The following AGBL1 variants were observed in gnomAD, a reference collection of about 807,000 sequenced individuals.
AGBL1 encodes AGBL carboxypeptidase 1, also known as cytosolic carboxypeptidase 4.
A neutral mutation model predicts 118.9 loss-of-function variants in AGBL1; 130 were observed. The ratio of observed to expected loss-of-function variants is 1.09; its 90% confidence interval spans 0.95 to 1.26. AGBL1 has a LOEUF of 1.26. Ranked by LOEUF, AGBL1 falls within the 50% of genes most tolerant of loss-of-function variation. AGBL1 has a pLI of 0.00. For missense variants in AGBL1, 1,584 were observed against 1,298.1 expected (o/e 1.22, Z -3.38); for synonymous variants, 555 against 478.9 (o/e 1.16, Z -2.08).
rs147241518 is a variant in AGBL1, at chr15:86,780,468, G to A, written c.3158+106032G>A. 3.3e-5 allele frequency among the ~76,000 whole-genome samples: 5 copies of A among 152,072 alleles called. No homozygotes were observed. In the East Asian group the frequency reaches 5.8e-4, roughly 18 times the overall value. ...TTTTCTTGGCCATTTGCATTTTCAT[G>A]TAAAAATTTAGAATCAACTTATAAA... On this transcript the variant is annotated intron_variant, in intron 22 of 22. Coordinates refer to ENST00000614907, the MANE Select transcript of AGBL1 (RefSeq NM_001386094.1).
intron 3 of AGBL1, among the ~76,000 whole-genome samples, chr15:86,150,230 G>A (rs2077089459): frequency 6.6e-6 from 1 of 152,046 alleles, no homozygotes; most frequent in Admixed American, 6.5e-5. Context: ...AGAGAAACAA[G>A]AACAAACAAA....
At chr15:86,792,289 A>T (rs979180232) in intron 22 of AGBL1, among the ~76,000 whole-genome samples, 1 of 151,948 alleles carries the variant, frequency 6.6e-6, no homozygotes, top group Admixed American at 6.6e-5. Context: ...TCTTCCTTTC[A>T]TGTTCTAATT....
At chr15:86,149,755 C>T (rs1185836323) in intron 3 of AGBL1, among the ~76,000 whole-genome samples, 3 of 152,196 alleles carry the variant, frequency 2.0e-5, no homozygotes, top group Non-Finnish European at 4.4e-5. Flanking sequence ...AGGACTTGAA[C>T]TCAGCTCTGC....
chr15:86,807,964 G>A (rs1034285671), intron 22 of AGBL1, among the ~76,000 whole-genome samples: 3 of 152,084 alleles, frequency 2.0e-5, no homozygotes, highest in African/African-American at 7.2e-5. Flanking sequence ...GCATAAACAT[G>A]GGCAAGCTGT....
At chr15:86,098,796 G>A (rs1486112095) in intron 1 of AGBL1, among the ~76,000 whole-genome samples, 1 of 151,800 alleles carries the variant, frequency 6.6e-6, no homozygotes, top group Non-Finnish European at 1.5e-5. Flanking sequence ...GACTCTTCAA[G>A]CTCTTTTTTT....
chr15:87,003,587 G>C (rs2081464538), intron 24 of AGBL1, among the ~76,000 whole-genome samples: 1 of 152,144 alleles, frequency 6.6e-6, no homozygotes, highest in African/African-American at 2.4e-5. Flanking sequence ...GTAGAATTCA[G>C]CTGTGAATCC....
intron 18 of AGBL1, among the ~76,000 whole-genome samples, 163 bp downstream of exon 18, chr15:86,397,709 C>T (rs1033539637): frequency 6.6e-6 from 1 of 152,154 alleles, no homozygotes; most frequent in African/African-American, 2.4e-5. Flanking sequence ...TCCATACACA[C>T]TGATGTCAGT....
intron 18 of AGBL1, among the ~76,000 whole-genome samples, chr15:86,504,168 G>A (rs1354498584): frequency 6.6e-6 from 1 of 151,418 alleles, no homozygotes; most frequent in Non-Finnish European, 1.5e-5. Flanking sequence ...ATTATTTAAT[G>A]TCCTTCTTTG....
At chr15:86,575,735 A>G (rs1324016271) in intron 21 of AGBL1, among the ~76,000 whole-genome samples, 2 of 151,856 alleles carry the variant, frequency 1.3e-5, no homozygotes, top group Admixed American at 6.6e-5. Flanking sequence ...GCCTACAGGT[A>G]CACACCACCA....
chr15:86,724,253 AAG>A (rs1044931791), intron 22 of AGBL1, among the ~76,000 whole-genome samples: 2 of 150,934 alleles, frequency 1.3e-5, no homozygotes, highest in Non-Finnish European at 3.0e-5. Flanking sequence ...AAAAAAAAAA[AAG>A]AAGGTGTTGA....
intron 17 of AGBL1, among the ~76,000 whole-genome samples, chr15:86,325,123 T>A (rs918763672): frequency 6.6e-6 from 1 of 152,078 alleles, no homozygotes; most frequent in African/African-American, 2.4e-5. Flanking sequence ...GTCTCTTCCA[T>A]CAGTAGGCAG....
intron 22 of AGBL1, among the ~76,000 whole-genome samples, chr15:86,772,571 T>C (rs2078196814): frequency 6.6e-6 from 1 of 151,756 alleles, no homozygotes; most frequent in African/African-American, 2.4e-5. Flanking sequence ...GATCACAGAG[T>C]CAAAGGTTAA....
intron 24 of AGBL1, among the ~76,000 whole-genome samples, chr15:87,004,004 C>T (rs2141766581): frequency 6.6e-6 from 1 of 152,244 alleles, no homozygotes; most frequent in Non-Finnish European, 1.5e-5. Context: ...TTGCCTTCTG[C>T]TAGCTTTTGA....
chr15:86,289,835 C>A (rs1487115807), intron 16 of AGBL1, among the ~76,000 whole-genome samples: 1 of 152,218 alleles, frequency 6.6e-6, no homozygotes, highest in Non-Finnish European at 1.5e-5. Context: ...ATCACATCTT[C>A]AAAGTTCCTT....
chr15:86,525,035 T>A (rs915344481), intron 19 of AGBL1, among the ~76,000 whole-genome samples: 3 of 152,138 alleles, frequency 2.0e-5, no homozygotes, highest in African/African-American at 7.2e-5. Flanking sequence ...TTACATTTGA[T>A]AACTGAATTC....
In AGBL1 at chr15:86,263,018, C is replaced by T; in HGVS notation, c.1086+124C>T. 4.2e-6 allele frequency: 3 copies of T among 717,462 alleles called. No individual in the cohort carries two copies. In the South Asian group the frequency reaches 5.6e-5, roughly 13 times the overall value. 44.4% of individuals were successfully genotyped at this position (717,462 alleles called of 1,614,324 possible). A position where few individuals can be genotyped will look rare whatever the true frequency, so the allele number is the denominator to read the frequency against. On this transcript the variant is annotated intron_variant, in intron 10 of 22. Coordinates refer to ENST00000614907, the MANE Select transcript of AGBL1 (RefSeq NM_001386094.1). ...TCATCATTAGCCATATGCTTCTGGG[C>T]TCTTCCTTAGAGAAAAGCAGAATGC...
At chr15:86,341,425 A>G (rs1208223980) in intron 17 of AGBL1, among the ~76,000 whole-genome samples, 1 of 152,098 alleles carries the variant, frequency 6.6e-6, no homozygotes, top group East Asian at 1.9e-4. Context: ...TTGGGTCCTG[A>G]GTTTCTGAGC....
At chr15:86,994,013 C>A (rs1406937837) in intron 24 of AGBL1, among the ~76,000 whole-genome samples, 1 of 152,074 alleles carries the variant, frequency 6.6e-6, no homozygotes, top group East Asian at 1.9e-4. Context: ...TTCGACGTCA[C>A]AACGCTTCAT....
intron 22 of AGBL1, among the ~76,000 whole-genome samples, chr15:86,745,169 A>G (rs1425712584): frequency 1.3e-5 from 2 of 152,174 alleles, no homozygotes; most frequent in Admixed American, 6.6e-5. Context: ...ATCCTGGCAT[A>G]TTAAGAATAA....
Sources: gnomAD v4.1 joint callset for allele counts (sites outside exome capture counted in the v4.1 genomes callset) on GRCh38, gnomAD v4.1.1 for gene constraint, MANE v1.5 for transcripts, NCBI Gene and HGNC (gene_info 2026-07-23, HGNC 2026-07-21) for gene names.